The following ARHGAP27 variants were observed in gnomAD, a reference collection of about 807,000 sequenced individuals.
ARHGAP27 encodes Rho GTPase activating protein 27.
In ARHGAP27, 53 loss-of-function variants were observed where a neutral mutation model predicts 102.0. The observed-to-expected ratio is 0.52, with a 90% CI of 0.42 to 0.65. The LOEUF (loss-of-function observed/expected upper bound fraction) is 0.65. Ranked by LOEUF, ARHGAP27 falls within the 30% of genes least tolerant of loss-of-function variation. The pLI is 0.00. For missense variants in ARHGAP27, 1,117 were observed against 1,256.2 expected (o/e 0.89, Z 1.68); for synonymous variants, 525 against 542.8 (o/e 0.97, Z 0.46).
intron 4 of ARHGAP27, among the ~76,000 whole-genome samples, chr17:45,414,253 A>G (rs2048216806): frequency 6.6e-6 from 1 of 151,878 alleles, no homozygotes; most frequent in Non-Finnish European, 1.5e-5. Flanking sequence ...TGCACCCACC[A>G]TTCCTTCCCC....
intron 4 of ARHGAP27, among the ~76,000 whole-genome samples, chr17:45,423,055 C>A (rs1461228271): frequency 1.3e-5 from 2 of 152,074 alleles, no homozygotes; most frequent in African/African-American, 4.8e-5. Flanking sequence ...GTGGCGCACA[C>A]CTGTAATCCC....
intron 13 of ARHGAP27, 71 bp downstream of exon 13, chr17:45,397,878 C>T (rs11653604): frequency 7.3e-7 from 1 of 1,371,010 alleles, no homozygotes; most frequent in Non-Finnish European, 1.0e-6. Context: ...CTCCCTGAGC[C>T]TGAGCAGAGG....
chr17:45,415,193 C>T (rs1479523378), intron 4 of ARHGAP27, among the ~76,000 whole-genome samples: 1 of 152,142 alleles, frequency 6.6e-6, no homozygotes, highest in African/African-American at 2.4e-5. Context: ...AATCAGCCCA[C>T]TGCTTAGAGG....
chr17:45,398,115 G>A, intron 12 of ARHGAP27, 68 bp from the exon 13 acceptor site: 1 of 1,374,710 alleles, frequency 7.3e-7, no homozygotes, highest in Non-Finnish European at 1.0e-6. Context: ...GGCCCTAGTT[G>A]GGGGTAGGTA....
chr17:45,417,444 A>G (rs1348335918), intron 4 of ARHGAP27, among the ~76,000 whole-genome samples: 1 of 151,618 alleles, frequency 6.6e-6, no homozygotes, highest in East Asian at 1.9e-4. Flanking sequence ...AGGCTGGGCG[A>G]CAGAGCAAGA....
chr17:45,424,386 G>A (rs1597863963), intron 4 of ARHGAP27, among the ~76,000 whole-genome samples: 2 of 152,288 alleles, frequency 1.3e-5, no homozygotes, highest in African/African-American at 4.8e-5. Flanking sequence ...TCACTCCCCG[G>A]CACAGATCCA....
intron 4 of ARHGAP27, among the ~76,000 whole-genome samples, chr17:45,416,588 G>A (rs1404160133): frequency 2.7e-5 from 4 of 149,746 alleles, no homozygotes; most frequent in Non-Finnish European, 4.4e-5. Context: ...TAGCTCTGTC[G>A]CCCAGGCTGG....
rs2049766898 is a variant in ARHGAP27 at position 45,427,846 on chromosome 17, G to A, written c.657+1777C>T. On this transcript the variant is annotated intron_variant, in intron 4 of 19. Transcript: ENST00000685559. The surrounding 1 kb of genome is among the most constrained non-coding windows in gnomAD (Gnocchi z 4.5). ...CTCCCTCCATATGCCACTGCAACTGGGAACCTGCTGGGAGCTGGAGGAAGG... is the reference window on the plus strand; with the variant it reads ...CTCCCTCCATATGCCACTGCAACTGAGAACCTGCTGGGAGCTGGAGGAAGG... 6.6e-6 allele frequency among the ~76,000 whole-genome samples: 1 copy of A among 152,128 alleles called. No individual in the cohort carries two copies. Among genetic ancestry groups the A allele is most frequent in the South Asian group, 2.1e-4 (1 of 4,830 alleles).
Position 45,425,766 on chromosome 17 carries a change from G to A in ARHGAP27, c.657+3857C>T, listed in dbSNP as rs143899460. On this transcript the variant is annotated intron_variant, in intron 4 of 19. Coordinates refer to ENST00000685559, the MANE Select transcript of ARHGAP27 (RefSeq NM_001282290.2). ...TGCCTGGGCCTTCCCACCTCTGGGC[G>A]GGGATGGTGACCGCACCCTGAAATC... 1,313 of 416,888 alleles carry A rather than the reference G, an allele frequency of 3.1e-3. 18 individuals carry two copies. Among genetic ancestry groups the A allele is most frequent in the African/African-American group, 0.025 (1,167 of 46,420 alleles). 25.8% of individuals were successfully genotyped at this position (416,888 alleles called of 1,614,324 possible). A position where few individuals can be genotyped will look rare whatever the true frequency, so the allele number is the denominator to read the frequency against.
intron 4 of ARHGAP27, among the ~76,000 whole-genome samples, chr17:45,428,434 C>T (rs1376906769): frequency 6.6e-6 from 1 of 152,232 alleles, no homozygotes; most frequent in Non-Finnish European, 1.5e-5. Context: ...GGAACGTCCT[C>T]GCGTGTAAGT....
Position 45,395,410 on chromosome 17 carries a change from C to G in ARHGAP27, c.*46G>C. 6.6e-7 allele frequency: 1 copy of G among 1,524,644 alleles called. No individual in the cohort carries two copies. Among genetic ancestry groups the G allele is most frequent in the Non-Finnish European group, 8.8e-7 (1 of 1,131,760 alleles). The allele number at this position is 1,524,644 out of a possible 1,614,324, so 94.4% of individuals were successfully genotyped here. A position where few individuals can be genotyped will look rare whatever the true frequency, so the allele number is the denominator to read the frequency against. On this transcript the variant is annotated 3_prime_UTR_variant, in exon 20 of 20. Transcript: ENST00000685559. ...CGGCTGCGTGGCCTCCGCCGCCCAG[C>G]TTGTGTGGCAGGACCGCGGCCGCCG... is the stretch of plus-strand genomic sequence containing the variant.
intron 5 of ARHGAP27, 122 bp from the exon 6 acceptor site, chr17:45,405,228 G>A (rs1456911984): frequency 1.0e-5 from 11 of 1,097,426 alleles, no homozygotes; most frequent in Admixed American, 2.9e-5. Context: ...AGCAGGAGGC[G>A]GGGTCAGAAG....
intron 4 of ARHGAP27, among the ~76,000 whole-genome samples, chr17:45,418,767 G>A (rs1299992040): frequency 6.6e-6 from 1 of 152,098 alleles, no homozygotes; most frequent in Non-Finnish European, 1.5e-5. Context: ...CCTTGGGGCA[G>A]GCTGGCCCAT....
rs761989151 is a variant in ARHGAP27, at chr17:45,395,467, G to T, written c.2659C>A (p.Pro887Thr). The stretch of plus-strand genomic sequence containing the variant: ...TCACAGGCCAGCAGTCAGTGCGGCG[G>T]GAAGATGTCCGCGCACTGCTGCAGG... The part of the protein sequence containing the change: ...LILQQCADIF[P>T]PH Residue 887 changes from proline (P) to threonine (T), a missense_variant, in exon 20 of 20, where the codon CCG (proline) becomes ACG (threonine). By Grantham distance (38) the Pro-to-Thr change is conservative. Around this residue, in one of 3 missense-constraint regions of ARHGAP27, gnomAD observed 493 missense variants for 505.5 expected, o/e 0.98. Transcript: ENST00000685559. 16 of 1,564,144 alleles carry T rather than the reference G, an allele frequency of 1.0e-5. No individual in the cohort carries two copies. Among genetic ancestry groups the T allele is most frequent in the Non-Finnish European group, 1.7e-6 (2 of 1,153,534 alleles).
intron 4 of ARHGAP27, among the ~76,000 whole-genome samples, chr17:45,406,567 T>C (rs912263169): frequency 6.6e-6 from 1 of 152,234 alleles, no homozygotes; most frequent in African/African-American, 2.4e-5. Flanking sequence ...CTCACAACTG[T>C]GCACTCACAG....
rs530308314 is a variant in ARHGAP27, at chr17:45,394,517, C to T, written c.*939G>A. The T allele has an allele frequency of 6.6e-6, 1 of 152,468 alleles. No individual in the cohort carries two copies. Among genetic ancestry groups the T allele is most frequent in the East Asian group, 1.9e-4 (1 of 5,190 alleles). 9.4% of individuals were successfully genotyped at this position (152,468 alleles called of 1,614,324 possible). ...CTGGGACAGTTTCCCTCTTTGCCTT[C>T]AGGGGCCTCCCCAGGTCCAGACAGA... On this transcript the variant is annotated 3_prime_UTR_variant, in exon 20 of 20. Coordinates refer to ENST00000685559, the MANE Select transcript of ARHGAP27 (RefSeq NM_001282290.2).
intron 4 of ARHGAP27, among the ~76,000 whole-genome samples, chr17:45,411,530 A>T (rs1021697139): frequency 6.6e-6 from 1 of 151,890 alleles, no homozygotes; most frequent in Non-Finnish European, 1.5e-5. Flanking sequence ...AGAGCCAGGC[A>T]CAGTGTGAAT....
chr17:45,396,633 G>A (rs747516255), intron 15 of ARHGAP27, 35 bp downstream of exon 15: 3 of 1,612,284 alleles, frequency 1.9e-6, no homozygotes, highest in African/African-American at 2.7e-5. Flanking sequence ...CCCCGTCCCG[G>A]TCCCGGGTCC....
rs866949393 is a variant in ARHGAP27, at chr17:45,395,021, A to G, written c.*435T>C. 5.2e-6 allele frequency: 1 copy of G among 193,302 alleles called. No individual in the cohort carries two copies. The highest frequency in any genetic ancestry group is 2.1e-3 in the Middle Eastern group (1 of 472). 12.0% of individuals were successfully genotyped at this position (193,302 alleles called of 1,614,324 possible). On this transcript the variant is annotated 3_prime_UTR_variant, in exon 20 of 20. Coordinates refer to ENST00000685559, the MANE Select transcript of ARHGAP27 (RefSeq NM_001282290.2). ...ATCAGAGCTGCCTCATGACTGGCAC[A>G]GTGCCAGCACAGGGCCAGGGCCCAC...
Sources: gnomAD v4.1 joint callset for allele counts (sites outside exome capture counted in the v4.1 genomes callset) on GRCh38, gnomAD v4.1.1 for gene constraint, gnomAD v4.1.1 regional missense constraint, Gnocchi (gnomAD v3.1) non-coding constraint, MANE v1.5 for transcripts, NCBI Gene and HGNC (gene_info 2026-07-23, HGNC 2026-07-21) for gene names.